NAA25: variants seen among roughly 807,000 people sequenced by gnomAD.
NAA25 encodes N-terminal acetyltransferase B complex subunit NAA25.
Under a neutral mutation model 132.5 loss-of-function variants are expected in NAA25, and 30 were observed. The ratio of observed to expected loss-of-function variants is 0.23; its 90% CI spans 0.17 to 0.31. The LOEUF (loss-of-function observed/expected upper bound fraction) is 0.31, where lower values mean the gene tolerates loss of function less well. NAA25 is among the 10% of genes least tolerant of loss of function. The pLI, the probability that NAA25 is intolerant of heterozygous loss-of-function variation, is 1.00. For synonymous variants in NAA25, 359 were observed against 401.9 expected (o/e 0.89, Z 1.28); for missense variants, 771 against 1,150.4 (o/e 0.67, Z 4.77).
intron 17 of NAA25, among the ~76,000 whole-genome samples, chr12:112,045,498 A>C (rs921279322): frequency 3.3e-5 from 5 of 149,580 alleles, no homozygotes; most frequent in Non-Finnish European, 5.9e-5. Context: ...AAAAAAAAAA[A>C]AAAAAAAAAA....
At chr12:112,038,174 C>G (rs552526048) in intron 22 of NAA25, among the ~76,000 whole-genome samples, 1 of 152,046 alleles carries the variant, frequency 6.6e-6, no homozygotes, top group Non-Finnish European at 1.5e-5. Flanking sequence ...CCACCATGCC[C>G]GACTAATTTT....
Position 112,075,795 on chromosome 12 carries a change from AT to A in NAA25, c.665-7del. On this transcript the variant is annotated splice_region_variant and splice_polypyrimidine_tract_variant and intron_variant, in intron 7 of 23. Transcript: ENST00000261745. ...AATCTCACTTGTCAACTTCTCTAAAATCAAAAGTTATAAAAGTTGGTAAGCT... is the reference window on the plus strand; with the variant it reads ...AATCTCACTTGTCAACTTCTCTAAAACAAAAGTTATAAAAGTTGGTAAGCT... 1.2e-6 allele frequency: 2 copies of A among 1,611,268 alleles called. No individual in the cohort carries two copies. The highest frequency in any genetic ancestry group is 1.7e-6 in the Non-Finnish European group (2 of 1,177,506).
intron 23 of NAA25, among the ~76,000 whole-genome samples, chr12:112,032,353 T>G (rs1195233241): frequency 6.6e-6 from 1 of 152,166 alleles, no homozygotes; most frequent in Non-Finnish European, 1.5e-5. Context: ...AGTCTAACGT[T>G]TTTAAGCTTT....
In NAA25 at chr12:112,029,531, T is replaced by C; in HGVS notation, c.2919A>G (p.Ter973=). The C allele has an allele frequency of 6.2e-7, 1 of 1,614,064 alleles. No homozygotes were observed. Residue 973 remains the stop codon, a stop_retained_variant, in exon 24 of 24, where the codon TAA becomes TAG. Coordinates refer to ENST00000261745, the MANE Select transcript of NAA25 (RefSeq NM_024953.4). ...ATCAGTGCCCATGATAGATACTTCC[T>C]TAAATTTTTAGTTTCTTTGTGGTCT... ...RLETTKKLKI[*]
intron 22 of NAA25, among the ~76,000 whole-genome samples, chr12:112,037,402 TAAA>T (rs2136805788): frequency 7.0e-6 from 1 of 142,404 alleles, no homozygotes; most frequent in South Asian, 2.3e-4. Flanking sequence ...TGATAAATGA[TAAA>T]AGACAGAATT....
At chr12:112,078,488 C>T (rs561627917) in intron 6 of NAA25, 146 bp downstream of exon 6, 111 of 748,608 alleles carry the variant, frequency 1.5e-4, no homozygotes, top group Non-Finnish European at 2.2e-4. Context: ...ATTAGACCTA[C>T]GCTGAGGGCT....
intron 17 of NAA25, among the ~76,000 whole-genome samples, chr12:112,045,044 C>G (rs1480944649): frequency 6.6e-6 from 1 of 151,754 alleles, no homozygotes; most frequent in Non-Finnish European, 1.5e-5. Flanking sequence ...GATCCTGTCT[C>G]TAATAAAAAT....
chr12:112,052,897 T>C (rs1194905621), intron 15 of NAA25, among the ~76,000 whole-genome samples: 1 of 152,196 alleles, frequency 6.6e-6, no homozygotes, highest in Non-Finnish European at 1.5e-5. Flanking sequence ...ACATTCATTG[T>C]TGGGCAGTTT....
In NAA25 at chr12:112,029,407, GT is replaced by G. The variant is rs2078121123; in HGVS notation, c.*123del. On this transcript the variant is annotated 3_prime_UTR_variant, in exon 24 of 24. Coordinates refer to ENST00000261745, the MANE Select transcript of NAA25 (RefSeq NM_024953.4). ...ACACCTAAAAAAATTCACGATCAAA[GT>G]CCTTCATGCATTTTATGAGGAAGTT... 3.4e-6 allele frequency: 5 copies of G among 1,465,216 alleles called. No homozygotes were observed. In the South Asian group the frequency reaches 6.5e-5, roughly 19 times the overall value. The allele number at this position is 1,465,216 out of a possible 1,614,324, so 90.8% of individuals were successfully genotyped here.
At chr12:112,043,600 G>A in intron 18 of NAA25, 25 bp downstream of exon 18, 1 of 1,607,968 alleles carries the variant, frequency 6.2e-7, no homozygotes, top group Non-Finnish European at 8.5e-7. Flanking sequence ...TTGCAACTTT[G>A]ATGGTAAATA....
intron 4 of NAA25, 79 bp downstream of exon 4, chr12:112,087,604 G>A (rs2079074470): frequency 3.3e-6 from 3 of 914,950 alleles, no homozygotes; most frequent in Non-Finnish European, 3.5e-6. Flanking sequence ...CACATACCCA[G>A]TGCAGTTAAA....
At chr12:112,043,954 G>T in intron 17 of NAA25, 86 bp from the exon 18 acceptor site, 1 of 1,316,644 alleles carries the variant, frequency 7.6e-7, no homozygotes, top group South Asian at 1.4e-5. Flanking sequence ...TTGAGACAGA[G>T]TCTTGATCTG....
intron 22 of NAA25, among the ~76,000 whole-genome samples, chr12:112,037,285 T>C (rs1432170029): frequency 2.0e-4 from 15 of 75,462 alleles, no homozygotes; most frequent in African/African-American, 3.7e-4. Flanking sequence ...CATATATATA[T>C]ATATATATAT....
intron 1 of NAA25, among the ~76,000 whole-genome samples, chr12:112,098,328 G>C (rs2079245296): frequency 6.6e-6 from 1 of 151,972 alleles, no homozygotes; most frequent in African/African-American, 2.4e-5. Flanking sequence ...TTCTTCACCT[G>C]AAAGAGTTTA....
chr12:112,085,742 G>A (rs1346092621), intron 4 of NAA25, among the ~76,000 whole-genome samples: 2 of 151,642 alleles, frequency 1.3e-5, no homozygotes, highest in African/African-American at 2.4e-5. Context: ...TTTTATGGCT[G>A]GGCACAGTGG....
intron 19 of NAA25, among the ~76,000 whole-genome samples, chr12:112,042,804 G>A (rs2078320538): frequency 6.6e-6 from 1 of 152,244 alleles, no homozygotes; most frequent in Non-Finnish European, 1.5e-5. Context: ...ACTGCGCCCA[G>A]CCTACTGCTT....
At chr12:112,055,921 C>T (rs544735375) in intron 13 of NAA25, among the ~76,000 whole-genome samples, 3 of 152,138 alleles carry the variant, frequency 2.0e-5, no homozygotes, top group South Asian at 2.1e-4. Context: ...AAAGATAGGC[C>T]GGGCATAGTA....
At chr12:112,107,917 A>G (rs1260318902) in intron 1 of NAA25, among the ~76,000 whole-genome samples, 3 of 152,242 alleles carry the variant, frequency 2.0e-5, no homozygotes, top group African/African-American at 4.8e-5. Flanking sequence ...ATGAGATGAC[A>G]TCAAGGTCTT....
intron 13 of NAA25, among the ~76,000 whole-genome samples, chr12:112,055,177 G>A (rs1234215123): frequency 6.6e-6 from 1 of 152,018 alleles, no homozygotes. Context: ...AATAGTTATC[G>A]TACTATCTAG....
Sources: gnomAD v4.1 joint callset for allele counts (sites outside exome capture counted in the v4.1 genomes callset) on GRCh38, gnomAD v4.1.1 for gene constraint, MANE v1.5 for transcripts, NCBI Gene and HGNC (gene_info 2026-07-23, HGNC 2026-07-21) for gene names.